The following VTI1A variants were observed in gnomAD, a reference collection of about 807,000 sequenced individuals.
VTI1A encodes vesicle transport through interaction with t-SNAREs 1A, also known as vesicle transport through interaction with t-SNAREs homolog 1A.
A neutral mutation model predicts 34.9 loss-of-function variants in VTI1A; 22 were observed. The observed-to-expected ratio is 0.63, with a 90% CI of 0.45 to 0.90. The LOEUF is 0.90. VTI1A is among the 40% of genes least tolerant of loss of function. VTI1A has a pLI of 0.00. For synonymous variants in VTI1A, 87 were observed against 97.3 expected (o/e 0.89, Z 0.62); for missense variants, 268 against 275.6 (o/e 0.97, Z 0.20).
chr10:112,710,151 C>T (rs187322295), intron 7 of VTI1A, among the ~76,000 whole-genome samples: 40 of 150,914 alleles, frequency 2.7e-4, no homozygotes, highest in African/African-American at 9.0e-4. Context: ...TAAATATTGG[C>T]CCATGAGGAT....
At position 112,717,601 on chromosome 10, in the gene VTI1A, G is replaced by A. The variant is rs149616410; in HGVS notation, c.560+48603G>A. ...ATATGCTGGTTTGGGCAATCTTACG[G>A]TATGGCAGCCTCAGACTTGGCAGCC... On this transcript the variant is annotated intron_variant, in intron 7 of 7. Transcript: ENST00000393077. 5.2e-3 allele frequency among the ~76,000 whole-genome samples: 799 copies of A among 152,254 alleles called. 7 individuals are homozygous for A. The highest frequency in any genetic ancestry group is 0.018 in the African/African-American group (768 of 41,538).
chr10:112,809,149 C>G (rs1853199733), intron 7 of VTI1A, among the ~76,000 whole-genome samples: 1 of 152,134 alleles, frequency 6.6e-6, no homozygotes, highest in Non-Finnish European at 1.5e-5. Context: ...ATAGAAGACC[C>G]AAGATGGGCA....
chr10:112,826,342 C>T, the VTI1A span: 1 of 152,196 alleles, frequency 6.6e-6, no homozygotes, highest in African/African-American at 2.4e-5. Context: ...AGATTTCAGT[C>T]CCCTCATATA....
intron 5 of VTI1A, among the ~76,000 whole-genome samples, chr10:112,598,013 T>G (rs955979230): frequency 5.3e-5 from 8 of 152,124 alleles, no homozygotes; most frequent in Non-Finnish European, 7.4e-5. Flanking sequence ...CCTTGTCTCT[T>G]AAGAAACAAA....
At chr10:112,752,535 G>T in intron 7 of VTI1A, 1 of 985,394 alleles carries the variant, frequency 1.0e-6, no homozygotes, top group Non-Finnish European at 1.2e-6. Context: ...AATGCTGAAG[G>T]TATGATTCTC....
At position 112,818,476 on chromosome 10, in the gene VTI1A, T is replaced by C. The variant is rs1026363278; in HGVS notation, c.*3093T>C. ...TCCTTTTTTTTTGCACATCTTTTCT[T>C]TAAAACTGTCAGATCATTTCAGTAT... On this transcript the variant is annotated 3_prime_UTR_variant, in exon 8 of 8. Transcript: ENST00000393077. The C allele has an allele frequency of 4.3e-6, 1 of 229,994 alleles. No individual in the cohort carries two copies. Among genetic ancestry groups the C allele is most frequent in the Non-Finnish European group, 8.6e-6 (1 of 115,820 alleles). 14.2% of individuals were successfully genotyped at this position (229,994 alleles called of 1,614,324 possible).
In VTI1A at chr10:112,546,455, A is replaced by C. The variant is rs578198735; in HGVS notation, c.427+8125A>C. Among the ~76,000 whole-genome samples, 4 of 152,260 alleles carry C rather than the reference A, an allele frequency of 2.6e-5. No individual in the cohort carries two copies. In the South Asian group the frequency reaches 8.3e-4, roughly 32 times the overall value. Reference sequence around the variant, plus strand: ...AATGTATACTCCCTATGAAATAATTAATATGGCTATGTCTGTTAATTTAAT... The same window carrying C: ...AATGTATACTCCCTATGAAATAATTCATATGGCTATGTCTGTTAATTTAAT... On this transcript the variant is annotated intron_variant, in intron 5 of 7. Coordinates refer to ENST00000393077, the MANE Select transcript of VTI1A (RefSeq NM_145206.4).
intron 6 of VTI1A, 70 bp from the exon 7 acceptor site, chr10:112,668,867 G>A: frequency 6.8e-7 from 1 of 1,470,860 alleles, no homozygotes; most frequent in Non-Finnish European, 9.4e-7. Context: ...GAAATAAATT[G>A]TCGCTTGCCA....
rs1176258933 is a variant in VTI1A, at chr10:112,736,101, ATGTGTG to A, written c.560+67109_560+67114del. The stretch of plus-strand genomic sequence containing the variant: ...TATATATAGTATATTTTACATATAT[ATGTGTG>A]TGTGTATATATATATATATATATAT... On this transcript the variant is annotated intron_variant, in intron 7 of 7. Coordinates refer to ENST00000393077, the MANE Select transcript of VTI1A (RefSeq NM_145206.4). 8.2e-4 allele frequency among the ~76,000 whole-genome samples: 104 copies of A among 126,994 alleles called. 1 individual carries two copies. The highest frequency in any genetic ancestry group is 3.5e-3 in the African/African-American group (99 of 28,688). The allele number at this position is 126,994 out of a possible 152,430, so 83.3% of individuals were successfully genotyped here. A position where few individuals can be genotyped will look rare whatever the true frequency, so the allele number is the denominator to read the frequency against.
intron 7 of VTI1A, among the ~76,000 whole-genome samples, chr10:112,763,438 C>CAAAAAA (rs397714967): frequency 9.2e-6 from 1 of 108,992 alleles, no homozygotes; most frequent in Admixed American, 1.0e-4. Flanking sequence ...GACACCATCT[C>CAAAAAA]AAAAAAAAAA....
rs551321247 is a variant in VTI1A at position 112,762,139 on chromosome 10, G to A, written c.561-53151G>A. On this transcript the variant is annotated intron_variant, in intron 7 of 7. Transcript: ENST00000393077. ...GGTAAATATGTTATTTCAGCCAAGG[G>A]TGGCCAAACACTGGCATCGCGGTTA... Among the ~76,000 whole-genome samples, 6 of 152,260 alleles carry A rather than the reference G, an allele frequency of 3.9e-5. No homozygotes were observed. The South Asian group carries it at 1.2e-3, about 32-fold the overall frequency.
At chr10:112,769,265 G>T (rs1178076052) in intron 7 of VTI1A, among the ~76,000 whole-genome samples, 1 of 152,186 alleles carries the variant, frequency 6.6e-6, no homozygotes, top group Non-Finnish European at 1.5e-5. Flanking sequence ...CTGATGCAGG[G>T]TGTGGCTGTC....
chr10:112,464,556 A>G lies in VTI1A; in HGVS notation c.163A>G (p.Met55Val). Residue 55 changes from methionine to valine, a missense_variant, in exon 3 of 8, where the codon ATG becomes GTG. Coordinates refer to ENST00000393077, the MANE Select transcript of VTI1A (RefSeq NM_145206.4). The stretch of plus-strand genomic sequence containing the variant: ...TCTTTCCCTCTTCTAGCTTGAACAG[A>G]TGGATTTGGAAGTCCGAGAGATACC... ...LEEAKELLEQ[M>V]DLEVREIPPQ... The G allele has an allele frequency of 1.9e-6, 3 of 1,612,128 alleles. No homozygotes were observed. Among genetic ancestry groups the G allele is most frequent in the Non-Finnish European group, 2.5e-6 (3 of 1,178,726 alleles).
At chr10:112,771,896 C>T (rs143950016) in intron 7 of VTI1A, among the ~76,000 whole-genome samples, 53 of 152,262 alleles carry the variant, frequency 3.5e-4, no homozygotes, top group African/African-American at 1.2e-3. Context: ...TCCTTTTTTA[C>T]GGTCAAATAG....
intron 5 of VTI1A, among the ~76,000 whole-genome samples, chr10:112,647,949 T>C (rs190887222): frequency 4.7e-4 from 72 of 152,234 alleles, no homozygotes; most frequent in Non-Finnish European, 5.1e-4. Context: ...TTTCTATTTT[T>C]GGTAGAGACC....
At chr10:112,537,768 C>T (rs1434970316) in intron 4 of VTI1A, among the ~76,000 whole-genome samples, 1 of 152,118 alleles carries the variant, frequency 6.6e-6, no homozygotes, top group African/African-American at 2.4e-5. Flanking sequence ...CATCTTGCTG[C>T]ACATCCAAAA....
At chr10:112,555,735 C>G (rs1367479737) in intron 5 of VTI1A, among the ~76,000 whole-genome samples, 3 of 151,950 alleles carry the variant, frequency 2.0e-5, no homozygotes, top group African/African-American at 7.2e-5. Context: ...TTTTGTTCTT[C>G]ATTATTACCC....
At chr10:112,754,211 A>G (rs1350061638) in intron 7 of VTI1A, among the ~76,000 whole-genome samples, 3 of 152,196 alleles carry the variant, frequency 2.0e-5, no homozygotes, top group Non-Finnish European at 2.9e-5. Flanking sequence ...GAAATCTCCT[A>G]TGTAAAATGT....
At chr10:112,734,165 G>C (rs1020204057) in intron 7 of VTI1A, among the ~76,000 whole-genome samples, 1 of 152,044 alleles carries the variant, frequency 6.6e-6, no homozygotes, top group Non-Finnish European at 1.5e-5. Flanking sequence ...GTACTCTCCA[G>C]TGGCTCCTCC....
Sources: allele counts gnomAD v4.1 joint callset (sites outside exome capture counted in the v4.1 genomes callset), GRCh38; gene constraint gnomAD v4.1.1; transcripts MANE v1.5; gene names NCBI Gene and HGNC (gene_info 2026-07-23, HGNC 2026-07-21).